SNTG1: variants seen among roughly 807,000 people sequenced by gnomAD.
The protein encoded by SNTG1 is gamma-1-syntrophin.
SNTG1 carries 39 observed loss-of-function variants against 74.7 expected under a neutral mutation model. The observed-to-expected ratio is 0.52, with a 90% confidence interval of 0.40 to 0.68. SNTG1 has a LOEUF of 0.68. Among genes scored for constraint, SNTG1 ranks in the 30% least tolerant of loss-of-function variants. The probability of loss-of-function intolerance (pLI) is 0.00; values close to 1 mark genes in which losing one functional copy is unlikely to be tolerated. For missense variants in SNTG1, 685 were observed against 609.5 expected, an observed-to-expected ratio of 1.12 and a Z score of -1.30; for synonymous variants, 254 against 217.1, an observed-to-expected ratio of 1.17 and a Z score of -1.49.
chr8:50,123,703 G>A (rs2081062970), intron 1 of SNTG1, among the ~76,000 whole-genome samples: 2 of 141,902 alleles, frequency 1.4e-5, no homozygotes, highest in African/African-American at 5.1e-5. Context: ...TTTTCCTACT[G>A]GGAAAGGGTG....
intron 8 of SNTG1, among the ~76,000 whole-genome samples, chr8:50,493,946 C>A (rs753567407): frequency 1.3e-5 from 2 of 151,650 alleles, no homozygotes; most frequent in African/African-American, 4.8e-5. Flanking sequence ...ATTGAAATTT[C>A]TTTTAGAAAT....
intron 2 of SNTG1, among the ~76,000 whole-genome samples, chr8:50,236,905 T>C (rs2085935269): frequency 1.3e-5 from 2 of 152,168 alleles, no homozygotes; most frequent in Admixed American, 6.5e-5. Context: ...AAATCCTAGA[T>C]ATCATAAAAA....
chr8:50,693,436 A>G (rs546426002), intron 15 of SNTG1, among the ~76,000 whole-genome samples: 72 of 152,320 alleles, frequency 4.7e-4, no homozygotes, highest in African/African-American at 1.5e-3. Context: ...TAACAATTGT[A>G]AATATATAAA....
At chr8:50,329,510 T>C (rs2090878329) in intron 2 of SNTG1, among the ~76,000 whole-genome samples, 1 of 152,094 alleles carries the variant, frequency 6.6e-6, no homozygotes, top group African/African-American at 2.4e-5. Context: ...GCTTCCAAGA[T>C]TTGGCCCTTG....
chr8:49,959,593 G>A (rs1036974482), intron 1 of SNTG1, among the ~76,000 whole-genome samples: 1 of 152,150 alleles, frequency 6.6e-6, no homozygotes, highest in African/African-American at 2.4e-5. Flanking sequence ...ATGTTTTCAA[G>A]GTCCATCCAT....
chr8:50,536,952 A>G lies in SNTG1; in HGVS notation c.680+144A>G, dbSNP rs2094312722. On this transcript the variant is annotated intron_variant, in intron 11 of 18. Coordinates refer to ENST00000642720, the MANE Select transcript of SNTG1 (RefSeq NM_018967.5). The stretch of plus-strand genomic sequence containing the variant: ...AAGAGCTTCAAAATAATAATCTAAC[A>G]AAGTTAAACACTTATTATTCTGATG... 4 of 1,049,260 alleles carry G rather than the reference A, an allele frequency of 3.8e-6. No homozygotes were observed. The South Asian group carries it at 7.8e-5, about 20-fold the overall frequency. The allele number at this position is 1,049,260 out of a possible 1,614,324, so 65.0% of individuals were successfully genotyped here. A position where few individuals can be genotyped will look rare whatever the true frequency, so the allele number is the denominator to read the frequency against.
chr8:50,408,528 T>C (rs185888091), intron 4 of SNTG1, among the ~76,000 whole-genome samples: 6 of 152,190 alleles, frequency 3.9e-5, no homozygotes, highest in Non-Finnish European at 7.4e-5. Flanking sequence ...CCTGACAATT[T>C]CTCTGTATCT....
At chr8:50,609,097 A>G (rs1460292720) in intron 13 of SNTG1, among the ~76,000 whole-genome samples, 1 of 152,070 alleles carries the variant, frequency 6.6e-6, no homozygotes, top group East Asian at 1.9e-4. Flanking sequence ...TTAAAACAGA[A>G]AAGTTCCTTT....
intron 4 of SNTG1, among the ~76,000 whole-genome samples, chr8:50,430,806 C>T (rs1047244141): frequency 6.6e-6 from 1 of 152,128 alleles, no homozygotes; most frequent in African/African-American, 2.4e-5. Flanking sequence ...GTTCTTACAA[C>T]AGAGATGGTA....
intron 9 of SNTG1, among the ~76,000 whole-genome samples, chr8:50,505,653 C>G (rs1028003586): frequency 1.3e-5 from 2 of 151,972 alleles, no homozygotes; most frequent in African/African-American, 4.8e-5. Context: ...TGCATATTTT[C>G]TTTGAAGACA....
chr8:50,608,478 G>T (rs138409336), intron 13 of SNTG1, among the ~76,000 whole-genome samples: 2,030 of 151,510 alleles, frequency 0.013, 50 homozygotes, highest in African/African-American at 0.045. Context: ...ATATTTCTTG[G>T]CTTAAAATCT....
intron 9 of SNTG1, among the ~76,000 whole-genome samples, chr8:50,505,264 C>G (rs959318443): frequency 1.3e-5 from 2 of 152,136 alleles, no homozygotes; most frequent in Non-Finnish European, 2.9e-5. Context: ...GGTTCCACAT[C>G]TTTGTTATTG....
Position 50,773,498 on chromosome 8 carries a change from A to T in SNTG1, c.1396-19173A>T, listed in dbSNP as rs186305521. On this transcript the variant is annotated intron_variant, in intron 18 of 18. Transcript: ENST00000642720. The stretch of plus-strand genomic sequence containing the variant: ...CAGAGCCCCATGGAAAAGTTGTAAG[A>T]CTTTGCTTCTAGTAATTTACAGAAA... Among the ~76,000 whole-genome samples the T allele has an allele frequency of 4.3e-3, 656 of 152,238 alleles. 6 individuals carry two copies. The highest frequency in any genetic ancestry group is 5.7e-3 in the Non-Finnish European group (387 of 68,010).
At chr8:50,507,944 T>C (rs1194778358) in intron 9 of SNTG1, among the ~76,000 whole-genome samples, 1 of 151,642 alleles carries the variant, frequency 6.6e-6, no homozygotes, top group Non-Finnish European at 1.5e-5. Flanking sequence ...ATACTTTAAG[T>C]TTTAGGGTAC....
chr8:50,624,606 G>T (rs969547226), intron 13 of SNTG1, among the ~76,000 whole-genome samples: 1 of 152,038 alleles, frequency 6.6e-6, no homozygotes, highest in Non-Finnish European at 1.5e-5. Flanking sequence ...AGTAGTCTGA[G>T]GCAGTATTGA....
chr8:50,544,312 C>T (rs1004826865), intron 11 of SNTG1, among the ~76,000 whole-genome samples: 11 of 151,796 alleles, frequency 7.2e-5, no homozygotes, highest in African/African-American at 2.7e-4. Flanking sequence ...TTTTTCTTAT[C>T]TTTGGGCATA....
At chr8:50,033,166 A>G (rs1817876843) in intron 1 of SNTG1, among the ~76,000 whole-genome samples, 1 of 148,716 alleles carries the variant, frequency 6.7e-6, no homozygotes, top group African/African-American at 2.5e-5. Flanking sequence ...CCCGGGTTGG[A>G]GTGCAATGGT....
At chr8:50,400,568 A>G (rs140763113) in intron 3 of SNTG1, among the ~76,000 whole-genome samples, 42 of 152,274 alleles carry the variant, frequency 2.8e-4, no homozygotes, top group African/African-American at 9.6e-4. Context: ...TTTTTAAGGA[A>G]TCTTCATACT....
intron 2 of SNTG1, among the ~76,000 whole-genome samples, chr8:50,363,563 G>GAGGAA (rs1325440322): frequency 6.6e-6 from 1 of 152,096 alleles, no homozygotes; most frequent in Non-Finnish European, 1.5e-5. Context: ...GTTGTGAAGT[G>GAGGAA]ACTAGTGAGG....
Sources: allele counts gnomAD v4.1 joint callset (sites outside exome capture counted in the v4.1 genomes callset), GRCh38; gene constraint gnomAD v4.1.1; transcripts MANE v1.5; gene names NCBI Gene and HGNC (gene_info 2026-07-23, HGNC 2026-07-21).